C12orf71: variants seen among roughly 807,000 people sequenced by gnomAD.
C12orf71 encodes chromosome 12 open reading frame 71, also known as uncharacterized protein C12orf71.
A neutral mutation model predicts 11.7 loss-of-function variants in C12orf71; 10 were observed. The ratio of observed to expected loss-of-function variants is 0.86; its 90% CI spans 0.53 to 1.45. C12orf71 has a LOEUF of 1.45. C12orf71 is among the 40% of genes most tolerant of loss of function. C12orf71 has a pLI of 0.00. For missense variants in C12orf71, 293 were observed against 325.8 expected, an observed-to-expected ratio of 0.90 and a Z score of 0.78; for synonymous variants, 110 against 123.4, an observed-to-expected ratio of 0.89 and a Z score of 0.72.
rs751427950 is a variant in C12orf71, at chr12:27,082,531, GA to G, written c.-49del. ...TCTCAACTTGAGAAGCTTCAAAAAAGAAAAAAGAAAAAATAGGTGGGACTAA... is the reference window on the plus strand; with the variant it reads ...TCTCAACTTGAGAAGCTTCAAAAAAGAAAAAGAAAAAATAGGTGGGACTAA... On this transcript the variant is annotated 5_prime_UTR_variant, in exon 1 of 2. The change abolishes the stop of an existing upstream ORF in the 5' untranslated region. Transcript: ENST00000429849. The G allele has an allele frequency of 2.2e-5, 30 of 1,386,866 alleles. No individual in the cohort carries two copies. The highest frequency in any genetic ancestry group is 2.6e-5 in the Non-Finnish European group (28 of 1,058,194). 85.9% of individuals were successfully genotyped at this position (1,386,866 alleles called of 1,614,324 possible). A position where few individuals can be genotyped will look rare whatever the true frequency, so the allele number is the denominator to read the frequency against.
At chr12:27,084,054 CA>C (rs577446108), upstream of C12orf71, among the ~76,000 whole-genome samples, 1,419 of 152,100 alleles carry the variant, frequency 9.3e-3, 9 homozygotes, top group Middle Eastern at 0.027. Flanking sequence ...ACTCCTGAGG[CA>C]AAAAAAGGAG....
chr12:27,081,725 C>G lies in C12orf71; in HGVS notation c.516+243G>C, dbSNP rs567893522. 1.8e-4 allele frequency: 129 copies of G among 701,688 alleles called. No homozygotes were observed. The African/African-American group carries it at 2.2e-3, about 12-fold the overall frequency. The allele number at this position is 701,688 out of a possible 1,614,324, so 43.5% of individuals were successfully genotyped here. ...CCTACAGCTTCACCCTGACTCCTTT[C>G]CTTGTTGTCTCCCACTGGTATCACG... is the stretch of plus-strand genomic sequence containing the variant. On this transcript the variant is annotated intron_variant, in intron 1 of 1. Coordinates refer to ENST00000429849, the MANE Select transcript of C12orf71 (RefSeq NM_001080406.2).
Position 27,082,119 on chromosome 12 carries a change from T to C in C12orf71, c.365A>G (p.Glu122Gly). Residue 122 changes from glutamate to glycine, a missense_variant, in exon 1 of 2, where the codon GAG (glutamate) becomes GGG (glycine). Glu to Gly is a moderately conservative substitution (Grantham distance 98, BLOSUM62 -2). Transcript: ENST00000429849. The stretch of plus-strand genomic sequence containing the variant: ...TTTGCCAACAGACAGTTTTGTTCTC[T>C]CTTTTGGTAACTTGTCTATCCACAG... ...DNLWIDKLPKERTKLSVGKLN... is the reference protein window; with the variant it reads ...DNLWIDKLPKGRTKLSVGKLN... 1 of 1,613,304 alleles carries C rather than the reference T, an allele frequency of 6.2e-7. No homozygotes were observed. Among genetic ancestry groups the C allele is most frequent in the Non-Finnish European group, 8.5e-7 (1 of 1,179,522 alleles).
upstream of C12orf71, among the ~76,000 whole-genome samples, chr12:27,083,238 G>A (rs1565490684): frequency 6.6e-6 from 1 of 152,144 alleles, no homozygotes; most frequent in Non-Finnish European, 1.5e-5. Flanking sequence ...GGCCTGGCCA[G>A]TGTTATCCAG....
At chr12:27,082,592 T>C (rs1941946989), upstream of C12orf71, 2 of 790,038 alleles carry the variant, frequency 2.5e-6, no homozygotes. Context: ...GCAAAAACAT[T>C]ATCCATTCCC....
rs556253047 is a variant in C12orf71, at chr12:27,082,461, C to G, written c.23G>C (p.Ser8Thr). 65 of 1,506,146 alleles carry G rather than the reference C, an allele frequency of 4.3e-5. No individual in the cohort carries two copies. In the East Asian group the frequency reaches 1.4e-3, roughly 31 times the overall value. 93.3% of individuals were successfully genotyped at this position (1,506,146 alleles called of 1,614,324 possible). A position where few individuals can be genotyped will look rare whatever the true frequency, so the allele number is the denominator to read the frequency against. MAYSSSN[S>T]DIEDDSSKSN... ...TTTGGAGCTGTCGTCCTCTATGTCG[C>G]TGTTAGAGGATGAATATGCCATGGA... Residue 8 changes from serine to threonine, a missense_variant, in exon 1 of 2, where the codon AGC becomes ACC. Physicochemically the swap from Ser to Thr is moderately conservative, Grantham distance 58 (BLOSUM62 1). Coordinates refer to ENST00000429849, the MANE Select transcript of C12orf71 (RefSeq NM_001080406.2).
chr12:27,081,097 A>G lies in C12orf71; in HGVS notation c.*77T>C. Reference sequence around the variant, plus strand: ...GCATTTATTTTGTTTATTGAGGAAAAAACAAACTGATGGGGATTATTAATG... The same window carrying G: ...GCATTTATTTTGTTTATTGAGGAAAGAACAAACTGATGGGGATTATTAATG... On this transcript the variant is annotated 3_prime_UTR_variant, in exon 2 of 2. Coordinates refer to ENST00000429849, the MANE Select transcript of C12orf71 (RefSeq NM_001080406.2). 1 of 1,187,124 alleles carries G rather than the reference A, an allele frequency of 8.4e-7. No homozygotes were observed. The highest frequency in any genetic ancestry group is 2.5e-5 in the Admixed American group (1 of 40,208). The allele number at this position is 1,187,124 out of a possible 1,614,324, so 73.5% of individuals were successfully genotyped here. A position where few individuals can be genotyped will look rare whatever the true frequency, so the allele number is the denominator to read the frequency against.
upstream of C12orf71, among the ~76,000 whole-genome samples, chr12:27,082,797 C>T (rs371397990): frequency 1.9e-4 from 29 of 151,336 alleles, no homozygotes; most frequent in East Asian, 1.8e-3. Context: ...AGGCTGGTCT[C>T]GAACTCCTGA....
rs1229271673 is a variant in C12orf71 at position 27,081,435 on chromosome 12, T to C, written c.549A>G (p.Thr183=). The C allele has an allele frequency of 6.2e-7, 1 of 1,612,392 alleles. No homozygotes were observed. Among genetic ancestry groups the C allele is most frequent in the East Asian group, 2.2e-5 (1 of 44,860 alleles). Residue 183 remains threonine, a synonymous_variant, in exon 2 of 2, where the codon ACA becomes ACG. Transcript: ENST00000429849. ...GGATTGAGGAGATCTCTGGAGCGCTTGTCCTTTGGCTGGCGGTTGCCTGGC... is the reference window on the plus strand; with the variant it reads ...GGATTGAGGAGATCTCTGGAGCGCTCGTCCTTTGGCTGGCGGTTGCCTGGC... ...MISQATASQR[T]SAPEISSILS...
Position 27,081,269 on chromosome 12 carries a change from T to C in C12orf71, c.715A>G (p.Lys239Glu), listed in dbSNP as rs746172759. 1.9e-6 allele frequency: 3 copies of C among 1,614,004 alleles called. No homozygotes were observed. The highest frequency in any genetic ancestry group is 1.3e-5 in the African/African-American group (1 of 75,052). ...GTTGGTGCTGACCGATGGGGACTTT[T>C]GGTGGCATTCACAGGGTGATCCCTC... ...LRRDHPVNAT[K>E]SPHRSAPTKR... is the part of the protein sequence containing the mutation. The change falls in exon 2 of 2, where the codon AAA (lysine) becomes GAA (glutamate). Residue 239 changes from lysine to glutamate, a missense_variant. Lys to Glu is a moderately conservative substitution (Grantham distance 56). Coordinates refer to ENST00000429849, the MANE Select transcript of C12orf71 (RefSeq NM_001080406.2).
At chr12:27,081,620 T>G (rs1360551442) in intron 1 of C12orf71, among the ~76,000 whole-genome samples, 153 bp from the exon 2 acceptor site, 2 of 152,116 alleles carry the variant, frequency 1.3e-5, no homozygotes. Flanking sequence ...ACATATACGT[T>G]TTTGGTGGGG....
chr12:27,081,983 AG>A lies in C12orf71; in HGVS notation c.500del (p.Pro167LeufsTer7). 6.3e-7 allele frequency: 1 copy of A among 1,582,692 alleles called. No individual in the cohort carries two copies. The highest frequency in any genetic ancestry group is 8.6e-7 in the Non-Finnish European group (1 of 1,162,766). On this transcript the variant is annotated frameshift_variant, in exon 1 of 2. Transcript: ENST00000429849. LOFTEE classifies it low-confidence loss of function (END_TRUNC). ...QQDFQLSSGS[P>X]PEMVQMISQA... ...GATGACTGACCTGAACCATTTCCGGAGGGGAGCCGCTGGATAGCTGGAAATC... is the reference window on the plus strand; with the variant it reads ...GATGACTGACCTGAACCATTTCCGGAGGGAGCCGCTGGATAGCTGGAAATC...
At position 27,081,730 on chromosome 12, in the gene C12orf71, T is replaced by A. The variant is rs1411288284; in HGVS notation, c.516+238A>T. On this transcript the variant is annotated intron_variant, in intron 1 of 1. Transcript: ENST00000429849. ...AGCTTCACCCTGACTCCTTTCCTTG[T>A]TGTCTCCCACTGGTATCACGTCAGT... 4.3e-6 allele frequency: 3 copies of A among 703,256 alleles called. No homozygotes were observed. The African/African-American group carries it at 5.3e-5, about 12-fold the overall frequency. 43.6% of individuals were successfully genotyped at this position (703,256 alleles called of 1,614,324 possible).
chr12:27,083,973 GAC>G (rs992945558), upstream of C12orf71, among the ~76,000 whole-genome samples: 5 of 152,038 alleles, frequency 3.3e-5, no homozygotes, highest in Admixed American at 6.6e-5. Context: ...CGCACACACA[GAC>G]ACACACACAC....
At chr12:27,081,576 G>A in intron 1 of C12orf71, 109 bp from the exon 2 acceptor site, 2 of 1,063,482 alleles carry the variant, frequency 1.9e-6, no homozygotes, top group Non-Finnish European at 2.8e-6. Context: ...TAGCCCAAGT[G>A]TCAATGCAGA....
At chr12:27,083,125 A>G (rs1213221864), upstream of C12orf71, among the ~76,000 whole-genome samples, 2 of 152,000 alleles carry the variant, frequency 1.3e-5, no homozygotes, top group Non-Finnish European at 2.9e-5. Context: ...TATTTTTAGT[A>G]GAGAAGGGGT....
At chr12:27,082,961 G>A (rs1941950063), upstream of C12orf71, among the ~76,000 whole-genome samples, 1 of 150,466 alleles carries the variant, frequency 6.6e-6, no homozygotes. Flanking sequence ...TTTTTTTTGA[G>A]ATGGAGCCTC....
chr12:27,082,373 G>A lies in C12orf71; in HGVS notation c.111C>T (p.Asp37=), dbSNP rs745344656. Residue 37 remains aspartate (D), a synonymous_variant, in exon 1 of 2, where the codon GAC becomes GAT. Transcript: ENST00000429849. ...YFPCEDTPCE[D]TTSWEDAPSK... Reference sequence around the variant, plus strand: ...AAGGTGCATCTTCCCAGGAGGTTGTGTCCTCACAGGGGGTGTCCTCACAGG... The same window carrying A: ...AAGGTGCATCTTCCCAGGAGGTTGTATCCTCACAGGGGGTGTCCTCACAGG... 8 of 1,589,206 alleles carry A rather than the reference G, an allele frequency of 5.0e-6. No individual in the cohort carries two copies. The highest frequency in any genetic ancestry group is 6.0e-6 in the Non-Finnish European group (7 of 1,169,884).
intron 1 of C12orf71, 103 bp from the exon 2 acceptor site, chr12:27,081,570 C>A: frequency 8.4e-7 from 1 of 1,196,666 alleles, no homozygotes; most frequent in Non-Finnish European, 1.2e-6. Context: ...CAAAAATAGC[C>A]CAAGTGTCAA....
Sources: allele counts gnomAD v4.1 joint callset (sites outside exome capture counted in the v4.1 genomes callset), GRCh38; gene constraint gnomAD v4.1.1; transcripts MANE v1.5; gene names NCBI Gene and HGNC (gene_info 2026-07-23, HGNC 2026-07-21).